PTPRK: variants seen among roughly 807,000 people sequenced by gnomAD.
PTPRK encodes receptor-type tyrosine-protein phosphatase kappa.
PTPRK carries 75 observed loss-of-function variants against 178.0 expected under a neutral mutation model. The ratio of observed to expected loss-of-function variants is 0.42; its 90% CI spans 0.35 to 0.51. The LOEUF (loss-of-function observed/expected upper bound fraction) is 0.51. PTPRK is among the 20% of genes least tolerant of loss of function. PTPRK has a pLI of 0.02. For missense variants in PTPRK, 1,441 were observed against 1,797.8 expected (o/e 0.80, Z 3.59); for synonymous variants, 637 against 620.6 (o/e 1.03, Z -0.39).
chr6:128,158,956 C>T (rs935607672), intron 7 of PTPRK, among the ~76,000 whole-genome samples: 2 of 151,772 alleles, frequency 1.3e-5, no homozygotes, highest in African/African-American at 4.8e-5. Flanking sequence ...GAAGTTCTTA[C>T]CTCCTCAAGA....
intron 7 of PTPRK, among the ~76,000 whole-genome samples, chr6:128,168,970 G>A (rs1799813603): frequency 6.6e-6 from 1 of 152,056 alleles, no homozygotes; most frequent in Non-Finnish European, 1.5e-5. Flanking sequence ...AGTGAAATAA[G>A]CCAGACACAG....
intron 7 of PTPRK, among the ~76,000 whole-genome samples, chr6:128,108,087 C>CAA (rs1345737791): frequency 1.3e-5 from 2 of 151,102 alleles, no homozygotes; most frequent in Non-Finnish European, 3.0e-5. Context: ...CACACACACA[C>CAA]ACACACACAC....
intron 2 of PTPRK, among the ~76,000 whole-genome samples, chr6:128,338,294 A>G (rs548174250): frequency 8.5e-5 from 13 of 152,284 alleles, no homozygotes; most frequent in African/African-American, 3.1e-4. Context: ...GAAGCAGCCA[A>G]TCAAGACCTA....
At chr6:127,999,604 T>G (rs1777559410) in intron 15 of PTPRK, among the ~76,000 whole-genome samples, 1 of 152,102 alleles carries the variant, frequency 6.6e-6, no homozygotes, top group South Asian at 2.1e-4. Flanking sequence ...GAGCAAAATG[T>G]GGGTTCCTCC....
intron 7 of PTPRK, among the ~76,000 whole-genome samples, chr6:128,156,476 G>A (rs1376424554): frequency 6.6e-6 from 1 of 151,546 alleles, no homozygotes; most frequent in Admixed American, 6.6e-5. Context: ...TAACCATGGT[G>A]GAGCAAGAGA....
Position 127,998,535 on chromosome 6 carries a change from C to CT in PTPRK, c.2679+184dup, listed in dbSNP as rs548821517. ...TAGACTCATATATCTCTGGGAAGTG[C>CT]TTTTTTCCCCATTCCCTTCCCATTC... On this transcript the variant is annotated intron_variant, in intron 16 of 29. Coordinates refer to ENST00000368226, the MANE Select transcript of PTPRK (RefSeq NM_002844.4). 1.1e-4 allele frequency among the ~76,000 whole-genome samples: 16 copies of CT among 151,936 alleles called. No homozygotes were observed. The East Asian group carries it at 2.9e-3, about 28-fold the overall frequency.
chr6:128,252,435 T>C (rs551952023), intron 3 of PTPRK, among the ~76,000 whole-genome samples: 1 of 152,332 alleles, frequency 6.6e-6, no homozygotes, highest in African/African-American at 2.4e-5. Flanking sequence ...CGCAGGTTTA[T>C]ATGTATCAAA....
rs142555495 is a variant in PTPRK, at chr6:128,183,307, C to G, written c.1162+1125G>C. 4.0e-3 allele frequency among the ~76,000 whole-genome samples: 607 copies of G among 152,170 alleles called. 5 individuals are homozygous for G. The highest frequency in any genetic ancestry group is 0.014 in the African/African-American group (569 of 41,542). The stretch of plus-strand genomic sequence containing the variant: ...CCTCGATTGAAAGGACATAGACATA[C>G]AGAATATTTGAAAAGCAAATTGTGA... On this transcript the variant is annotated intron_variant, in intron 7 of 29. Transcript: ENST00000368226.
intron 6 of PTPRK, among the ~76,000 whole-genome samples, chr6:128,216,398 G>C (rs1469689503): frequency 6.6e-6 from 1 of 151,920 alleles, no homozygotes; most frequent in African/African-American, 2.4e-5. Context: ...AGCTGGGTGC[G>C]GTGGCACACA....
At chr6:128,339,056 T>A (rs1831322182) in intron 2 of PTPRK, among the ~76,000 whole-genome samples, 1 of 152,080 alleles carries the variant, frequency 6.6e-6, no homozygotes, top group Non-Finnish European at 1.5e-5. Context: ...ATTTTATAAA[T>A]AAAATATAAG....
At chr6:128,094,942 G>T (rs1242611163) in intron 7 of PTPRK, among the ~76,000 whole-genome samples, 2 of 152,222 alleles carry the variant, frequency 1.3e-5, no homozygotes, top group Admixed American at 1.3e-4. Context: ...GAGGGAAACG[G>T]AACAGAAACA....
At chr6:128,145,206 G>T (rs1796304143) in intron 7 of PTPRK, among the ~76,000 whole-genome samples, 1 of 151,976 alleles carries the variant, frequency 6.6e-6, no homozygotes, top group African/African-American at 2.4e-5. Flanking sequence ...TAATACTACT[G>T]TTCCTTAAAA....
intron 7 of PTPRK, among the ~76,000 whole-genome samples, chr6:128,110,370 T>C (rs949585073): frequency 1.3e-5 from 2 of 152,124 alleles, no homozygotes; most frequent in Non-Finnish European, 2.9e-5. Context: ...AGCCATACAA[T>C]GTGGAAAAGT....
intron 3 of PTPRK, among the ~76,000 whole-genome samples, chr6:128,283,959 T>C (rs2128303869): frequency 6.6e-6 from 1 of 152,322 alleles, no homozygotes; most frequent in South Asian, 2.1e-4. Context: ...AAAATTAAAT[T>C]TCCCTGAAGC....
chr6:128,078,731 C>A, intron 11 of PTPRK, 82 bp downstream of exon 11: 1 of 952,606 alleles, frequency 1.0e-6, no homozygotes. Flanking sequence ...TTGTTATCAT[C>A]TCTGGTTTTA....
chr6:127,978,052 T>C (rs934001841), intron 25 of PTPRK, among the ~76,000 whole-genome samples: 1 of 152,156 alleles, frequency 6.6e-6, no homozygotes, highest in Admixed American at 6.5e-5. Context: ...CTACCACCAT[T>C]TGGGAAATGC....
chr6:128,309,767 ATTTT>A (rs951536777), intron 3 of PTPRK, among the ~76,000 whole-genome samples: 1 of 142,266 alleles, frequency 7.0e-6, no homozygotes, highest in Non-Finnish European at 1.5e-5. Context: ...AGATATTCTG[ATTTT>A]TTTTATTTCT....
rs55955361 is a variant in PTPRK at position 128,029,638 on chromosome 6, AAATAATAATAATAATAAT to A, written c.2195-20388_2195-20371del. On this transcript the variant is annotated intron_variant, in intron 13 of 29. Transcript: ENST00000368226. ...GGTGACAGAGTGAGATTCCATCTCAAAATAATAATAATAATAATAATAATAATAATAATAATAATAATA... is the reference window on the plus strand; with the variant it reads ...GGTGACAGAGTGAGATTCCATCTCAAAATAATAATAATAATAATAATAATA... Among the ~76,000 whole-genome samples the A allele has an allele frequency of 1.9e-3, 258 of 137,040 alleles. 1 individual carries two copies. The highest frequency in any genetic ancestry group is 5.4e-3 in the African/African-American group (197 of 36,814). The allele number at this position is 137,040 out of a possible 152,430, so 89.9% of individuals were successfully genotyped here.
Position 128,048,746 on chromosome 6 carries a change from A to G in PTPRK, c.2194+16012T>C, listed in dbSNP as rs113268602. 9.4e-3 allele frequency among the ~76,000 whole-genome samples: 1,425 copies of G among 152,330 alleles called. 19 individuals carry two copies. The highest frequency in any genetic ancestry group is 0.032 in the African/African-American group (1,345 of 41,568). ...AGAGATTAAGTATACAGAAGGATGT[A>G]CATAGGTTACAGGCAAACACTATGC... On this transcript the variant is annotated intron_variant, in intron 13 of 29. Transcript: ENST00000368226.
Sources: gnomAD v4.1 joint callset for allele counts (sites outside exome capture counted in the v4.1 genomes callset) on GRCh38, gnomAD v4.1.1 for gene constraint, MANE v1.5 for transcripts, NCBI Gene and HGNC (gene_info 2026-07-23, HGNC 2026-07-21) for gene names.